UBOX5: variants seen among roughly 807,000 people sequenced by gnomAD.
The protein encoded by UBOX5 is U-box domain containing 5, also known as RING finger protein 37.
Under a neutral mutation model 39.0 loss-of-function variants are expected in UBOX5, and 28 were observed. The observed-to-expected ratio is 0.72, with a 90% CI of 0.53 to 0.98. UBOX5 has a LOEUF of 0.98. Among genes scored for constraint, UBOX5 ranks in the 50% least tolerant of loss-of-function variants. The pLI, the probability that UBOX5 is intolerant of heterozygous loss-of-function variation, is 0.00. For synonymous variants in UBOX5, 283 were observed against 275.5 expected (o/e 1.03, Z -0.27); for missense variants, 585 against 674.4 (o/e 0.87, Z 1.47).
chr20:3,121,838 G>C lies in UBOX5; in HGVS notation c.801C>G (p.Ile267Met). The C allele has an allele frequency of 6.2e-7, 1 of 1,614,116 alleles. No individual in the cohort carries two copies. Among genetic ancestry groups the C allele is most frequent in the South Asian group, 1.1e-5 (1 of 91,086 alleles). ...QDVPEEFLDP[I>M]TLEIMPCPML... ...TGGGACAAGGCATGATCTCCAGGGT[G>C]ATGGGATCCAGGAACTCCTCAGGCA... is the stretch of plus-strand genomic sequence containing the variant. The change falls in exon 3 of 5, where the codon ATC (isoleucine) becomes ATG (methionine). Residue 267 changes from isoleucine (I) to methionine (M), a missense_variant. By Grantham distance (10) the Ile-to-Met change is conservative. Coordinates refer to ENST00000217173, the MANE Select transcript of UBOX5 (RefSeq NM_014948.4).
chr20:3,142,382 C>A (rs1334508931), intron 1 of UBOX5, among the ~76,000 whole-genome samples: 1 of 151,938 alleles, frequency 6.6e-6, no homozygotes, highest in East Asian at 1.9e-4. Context: ...GGGCAGATAA[C>A]CTGAGGTCAG....
intron 3 of UBOX5, among the ~76,000 whole-genome samples, chr20:3,120,199 T>C (rs1463304810): frequency 1.3e-5 from 2 of 151,686 alleles, no homozygotes; most frequent in African/African-American, 4.8e-5. Flanking sequence ...ATACAAAAAT[T>C]AGCTGGGCGT....
Position 3,121,397 on chromosome 20 carries a change from C to T in UBOX5, c.1242G>A (p.Met414Ile). The T allele has an allele frequency of 1.2e-6, 2 of 1,612,124 alleles. No homozygotes were observed. Among genetic ancestry groups the T allele is most frequent in the Non-Finnish European group, 1.7e-6 (2 of 1,178,944 alleles). Reference protein sequence around the residue: ...KATNEPSLTHMDCSTGPLSHE... With the variant: ...KATNEPSLTHIDCSTGPLSHE... The stretch of plus-strand genomic sequence containing the variant: ...ATGCTGAATTACCTGTCGAGCAGTC[C>T]ATATGTGTCAGGCTGGGCTCATTGG... Residue 414 changes from methionine (M) to isoleucine (I), a missense_variant, in exon 3 of 5, where the codon ATG becomes ATA. Physicochemically the swap from Met to Ile is conservative, Grantham distance 10. Transcript: ENST00000217173.
intron 4 of UBOX5, among the ~76,000 whole-genome samples, chr20:3,110,935 T>C (rs1320673582): frequency 6.6e-6 from 1 of 151,728 alleles, no homozygotes; most frequent in Admixed American, 6.6e-5. Flanking sequence ...GGCTGAGGCC[T>C]GCAGTGCACC....
rs1022277561 is a variant in UBOX5, at chr20:3,109,877, G to A, written c.*229C>T. 1.3e-5 allele frequency: 8 copies of A among 593,914 alleles called. No individual in the cohort carries two copies. The African/African-American group carries it at 1.5e-4, about 11-fold the overall frequency. The allele number at this position is 593,914 out of a possible 1,614,324, so 36.8% of individuals were successfully genotyped here. On this transcript the variant is annotated 3_prime_UTR_variant, in exon 5 of 5. Transcript: ENST00000217173. Reference sequence around the variant, plus strand: ...GGTCCTGGGCTCAGGCAGGGGGGGTGGCAGGGAGGCAGGGACATCCCCCCG... The same window carrying A: ...GGTCCTGGGCTCAGGCAGGGGGGGTAGCAGGGAGGCAGGGACATCCCCCCG...
In UBOX5 at chr20:3,149,243, C is replaced by G; in HGVS notation, c.-42+10523G>C. The G allele has an allele frequency of 1.5e-6, 1 of 646,572 alleles. No homozygotes were observed. Among genetic ancestry groups the G allele is most frequent in the Non-Finnish European group, 2.6e-6 (1 of 383,118 alleles). 40.1% of individuals were successfully genotyped at this position (646,572 alleles called of 1,614,324 possible). ...AGCCAGGGATCACAAATGACTGGGT[C>G]AGAATTGGTGCCAGATACTGAAAAA... On this transcript the variant is annotated intron_variant, in intron 1 of 4. Transcript: ENST00000217173. The surrounding 1 kb of genome is among the most constrained non-coding windows in gnomAD (Gnocchi z 4.1).
intron 1 of UBOX5, chr20:3,147,957 T>C: frequency 6.2e-7 from 1 of 1,614,214 alleles, no homozygotes; most frequent in Non-Finnish European, 8.5e-7. Context: ...TTCATGAAAT[T>C]GATGTGATCC....
chr20:3,112,949 G>T (rs961017861), intron 4 of UBOX5, among the ~76,000 whole-genome samples: 1 of 151,524 alleles, frequency 6.6e-6, no homozygotes, highest in Non-Finnish European at 1.5e-5. Context: ...CTGGGCGACA[G>T]AGCGAGACTC....
At chr20:3,129,896 A>G (rs1022564851) in intron 1 of UBOX5, among the ~76,000 whole-genome samples, 1 of 152,234 alleles carries the variant, frequency 6.6e-6, no homozygotes, top group Non-Finnish European at 1.5e-5. Context: ...ATAATAGAGC[A>G]TAATATGTAA....
At chr20:3,128,924 A>T (rs1441175899) in intron 1 of UBOX5, among the ~76,000 whole-genome samples, 2 of 152,230 alleles carry the variant, frequency 1.3e-5, no homozygotes, top group Non-Finnish European at 2.9e-5. Context: ...ATGCTCTATG[A>T]TATAGAAATG....
chr20:3,114,621 G>A lies in UBOX5; in HGVS notation c.1417+684C>T, dbSNP rs551874327. ...TCTTCACATTTACATAAAGTGCCCCGGATGTCAGACTGCAGACTGGCTAGA... is the reference window on the plus strand; with the variant it reads ...TCTTCACATTTACATAAAGTGCCCCAGATGTCAGACTGCAGACTGGCTAGA... On this transcript the variant is annotated intron_variant, in intron 4 of 4. Transcript: ENST00000217173. 6.6e-5 allele frequency among the ~76,000 whole-genome samples: 10 copies of A among 152,164 alleles called. No homozygotes were observed. In the South Asian group the frequency reaches 1.0e-3, roughly 16 times the overall value.
chr20:3,138,638 A>G (rs1014796270), intron 1 of UBOX5, among the ~76,000 whole-genome samples: 1 of 152,210 alleles, frequency 6.6e-6, no homozygotes, highest in Non-Finnish European at 1.5e-5. Flanking sequence ...TTTCCAGAAC[A>G]TAGTACTTTT....
At chr20:3,148,281 T>C in intron 1 of UBOX5, 1 of 1,611,484 alleles carries the variant, frequency 6.2e-7, no homozygotes, top group Non-Finnish European at 8.5e-7. Context: ...CTAGAAAAAA[T>C]GTTTAAAAAC....
At chr20:3,145,204 G>A (rs901691667) in intron 1 of UBOX5, among the ~76,000 whole-genome samples, 1 of 151,970 alleles carries the variant, frequency 6.6e-6, no homozygotes, top group South Asian at 2.1e-4. Context: ...CCAGGTGGGA[G>A]TGCACTGACA....
chr20:3,133,449 G>GTCTTTAAGTT (rs1381908111), intron 1 of UBOX5, among the ~76,000 whole-genome samples: 3 of 152,122 alleles, frequency 2.0e-5, no homozygotes, highest in South Asian at 4.1e-4. Flanking sequence ...GACAAGGCTT[G>GTCTTTAAGTT]AGTATAACTT....
chr20:3,152,617 G>A (rs1179737184), intron 1 of UBOX5, among the ~76,000 whole-genome samples: 3 of 152,090 alleles, frequency 2.0e-5, no homozygotes, highest in African/African-American at 4.8e-5. Flanking sequence ...ATTTGAGGAA[G>A]GAGATCCTGG....
At chr20:3,152,006 G>A (rs1016282809) in intron 1 of UBOX5, 2 of 151,222 alleles carry the variant, frequency 1.3e-5, no homozygotes, top group African/African-American at 4.9e-5. Context: ...TCGGGGGGCT[G>A]GGGCACAAGA....
At chr20:3,152,677 G>A (rs1428535413) in intron 1 of UBOX5, among the ~76,000 whole-genome samples, 4 of 152,090 alleles carry the variant, frequency 2.6e-5, no homozygotes, top group African/African-American at 9.7e-5. Flanking sequence ...GGAGGCCAAG[G>A]TGGGCGGACC....
intron 1 of UBOX5, among the ~76,000 whole-genome samples, chr20:3,137,633 C>T (rs181492689): frequency 8.5e-4 from 129 of 152,274 alleles, no homozygotes; most frequent in Admixed American, 8.0e-3. Flanking sequence ...AATGATTCAC[C>T]GATTTTCAGA....
Sources: allele counts gnomAD v4.1 joint callset (sites outside exome capture counted in the v4.1 genomes callset), GRCh38; gene constraint gnomAD v4.1.1; non-coding constraint Gnocchi (gnomAD v3.1); transcripts MANE v1.5; gene names NCBI Gene and HGNC (gene_info 2026-07-23, HGNC 2026-07-21).